Variants in NRXN1 observed in about 807,000 individuals in gnomAD.
NRXN1 encodes the protein neurexin 1.
A neutral mutation model predicts 150.9 loss-of-function variants in NRXN1; 39 were observed. That is an observed-to-expected ratio of 0.26 (90% confidence interval 0.20 to 0.34). The LOEUF is 0.34. Among genes scored for constraint, NRXN1 ranks in the 10% least tolerant of loss-of-function variants. The pLI is 1.00. For synonymous variants in NRXN1, 924 were observed against 757.0 expected (o/e 1.22, Z -3.62); for missense variants, 1,815 against 1,949.9 (o/e 0.93, Z 1.30).
At chr2:50,734,342 T>C (rs1698460481) in intron 5 of NRXN1, among the ~76,000 whole-genome samples, 1 of 152,314 alleles carries the variant, frequency 6.6e-6, no homozygotes, top group East Asian at 1.9e-4. Context: ...TGCCCAGTGC[T>C]GCTGGATTGG....
intron 17 of NRXN1, among the ~76,000 whole-genome samples, chr2:50,407,464 C>G (rs2082831083): frequency 6.6e-6 from 1 of 152,114 alleles, no homozygotes. Flanking sequence ...TTGTCCCTCT[C>G]CTAAAGACTC....
chr2:50,597,443 C>T (rs1480429684), intron 8 of NRXN1, among the ~76,000 whole-genome samples: 2 of 152,188 alleles, frequency 1.3e-5, no homozygotes, highest in East Asian at 3.9e-4. Flanking sequence ...TAGTGCCCTA[C>T]CCTGGGATAC....
Position 50,877,638 on chromosome 2 carries a change from T to C in NRXN1, c.832+44231A>G, listed in dbSNP as rs147012088. On this transcript the variant is annotated intron_variant, in intron 5 of 22. Transcript: ENST00000401669. The stretch of plus-strand genomic sequence containing the variant: ...GCCTCCTGCTAAATCTGAAGGTTTC[T>C]TGAAAACAAGCAATATAATCACTTG... Among the ~76,000 whole-genome samples, 305 of 152,094 alleles carry C rather than the reference T, an allele frequency of 2.0e-3. 2 individuals are homozygous for C. Among genetic ancestry groups the C allele is most frequent in the African/African-American group, 6.8e-3 (281 of 41,534 alleles).
intron 2 of NRXN1, among the ~76,000 whole-genome samples, chr2:50,999,072 T>A (rs1185975681): frequency 1.3e-5 from 2 of 152,074 alleles, no homozygotes; most frequent in Non-Finnish European, 2.9e-5. Flanking sequence ...TACTTCCAAG[T>A]GCTTTTACCT....
chr2:50,308,804 G>T (rs1217437), intron 17 of NRXN1, among the ~76,000 whole-genome samples: 1 of 152,012 alleles, frequency 6.6e-6, no homozygotes, highest in Admixed American at 6.6e-5. Context: ...ATGGTAGACA[G>T]GGAGTCAGAC....
At position 50,128,752 on chromosome 2, in the gene NRXN1, G is replaced by C. The variant is rs1434942231; in HGVS notation, c.3547-37258C>G. 6.6e-5 allele frequency among the ~76,000 whole-genome samples: 10 copies of C among 152,150 alleles called. No individual in the cohort carries two copies. The South Asian group carries it at 2.1e-3, about 32-fold the overall frequency. ...ATTCCAGCTCTTTGGGGGAGCTGAGGGGGGTGGATCGCCTGAGATCAGGAG... is the reference window on the plus strand; with the variant it reads ...ATTCCAGCTCTTTGGGGGAGCTGAGCGGGGTGGATCGCCTGAGATCAGGAG... On this transcript the variant is annotated intron_variant, in intron 18 of 22. Coordinates refer to ENST00000401669, the MANE Select transcript of NRXN1 (RefSeq NM_001330078.2).
intron 5 of NRXN1, among the ~76,000 whole-genome samples, chr2:50,776,900 C>T (rs543348532): frequency 6.6e-6 from 1 of 152,220 alleles, no homozygotes; most frequent in African/African-American, 2.4e-5. Context: ...ATCCTAGTCC[C>T]ATTTAAGGAA....
chr2:50,429,789 C>T (rs1440878554), intron 17 of NRXN1, among the ~76,000 whole-genome samples: 1 of 151,962 alleles, frequency 6.6e-6, no homozygotes, highest in Non-Finnish European at 1.5e-5. Context: ...GAGTTGTGCC[C>T]CATCAATAGA....
chr2:50,489,986 T>A (rs532259225), intron 15 of NRXN1, among the ~76,000 whole-genome samples: 1 of 152,270 alleles, frequency 6.6e-6, no homozygotes, highest in East Asian at 1.9e-4. Context: ...GGAGAACAGA[T>A]TGAGACAAAT....
At chr2:50,929,806 T>C (rs566370020) in intron 2 of NRXN1, among the ~76,000 whole-genome samples, 1 of 152,186 alleles carries the variant, frequency 6.6e-6, no homozygotes, top group East Asian at 1.9e-4. Context: ...GTTCCCATGG[T>C]GGCACAGGAT....
chr2:50,397,712 A>G lies in NRXN1; in HGVS notation c.3364+67730T>C, dbSNP rs866271168. Among the ~76,000 whole-genome samples, 3 of 152,140 alleles carry G rather than the reference A, an allele frequency of 2.0e-5. No individual in the cohort carries two copies. In the South Asian group the frequency reaches 6.2e-4, roughly 31 times the overall value. On this transcript the variant is annotated intron_variant, in intron 17 of 22. Coordinates refer to ENST00000401669, the MANE Select transcript of NRXN1 (RefSeq NM_001330078.2). ...TCTGGCTACTGTCAGTAAAAAGGAT[A>G]GGCTCAAAGGAAATCTGTTGTGTTT...
chr2:50,241,449 A>C (rs2065991541), intron 17 of NRXN1, among the ~76,000 whole-genome samples: 2 of 151,764 alleles, frequency 1.3e-5, no homozygotes. Context: ...GCACTACCAC[A>C]TCAGTACCAT....
intron 21 of NRXN1, among the ~76,000 whole-genome samples, chr2:49,978,248 C>T (rs759273259): frequency 1.3e-5 from 2 of 152,118 alleles, no homozygotes; most frequent in African/African-American, 2.4e-5. Context: ...CTGTAACTCT[C>T]AAATTATAAT....
At chr2:50,621,017 T>G in intron 7 of NRXN1, 1 of 514,096 alleles carries the variant, frequency 1.9e-6, no homozygotes, top group Non-Finnish European at 3.5e-6. Flanking sequence ...TACAGGTGAG[T>G]TGGAAAACAG....
intron 17 of NRXN1, among the ~76,000 whole-genome samples, chr2:50,383,937 A>C (rs1342636916): frequency 1.3e-5 from 2 of 152,198 alleles, no homozygotes; most frequent in African/African-American, 4.8e-5. Flanking sequence ...CTGAAAAGCC[A>C]GTTCAACTTA....
At chr2:49,931,020 G>C (rs887509457) in intron 22 of NRXN1, among the ~76,000 whole-genome samples, 1 of 152,152 alleles carries the variant, frequency 6.6e-6, no homozygotes, top group African/African-American at 2.4e-5. Flanking sequence ...TGTAGTCCTA[G>C]CTACTCGAGT....
chr2:50,731,631 A>C (rs982104215), intron 5 of NRXN1, among the ~76,000 whole-genome samples: 2 of 152,162 alleles, frequency 1.3e-5, no homozygotes, highest in Admixed American at 1.3e-4. Context: ...ATGTTTATTA[A>C]AACTGCACAC....
At chr2:50,333,950 C>T (rs912700065) in intron 17 of NRXN1, among the ~76,000 whole-genome samples, 3 of 151,912 alleles carry the variant, frequency 2.0e-5, no homozygotes, top group African/African-American at 7.3e-5. Context: ...TTGCCTTCAC[C>T]ATTCTCTTTG....
chr2:50,338,383 G>T lies in NRXN1; in HGVS notation c.3365-101413C>A, dbSNP rs191143673. On this transcript the variant is annotated intron_variant, in intron 17 of 22. Coordinates refer to ENST00000401669, the MANE Select transcript of NRXN1 (RefSeq NM_001330078.2). ...CCAATATGACATAATTTTCAGAAAT[G>T]AGTATGAAATAAAAGGAAATAAGCT... is the stretch of plus-strand genomic sequence containing the variant. 1.2e-4 allele frequency among the ~76,000 whole-genome samples: 18 copies of T among 152,094 alleles called. 1 individual carries two copies. The highest frequency in any genetic ancestry group is 7.2e-4 in the Admixed American group (11 of 15,280).
Sources: gnomAD v4.1 joint callset for allele counts (sites outside exome capture counted in the v4.1 genomes callset) on GRCh38, gnomAD v4.1.1 for gene constraint, MANE v1.5 for transcripts, NCBI Gene and HGNC (gene_info 2026-07-23, HGNC 2026-07-21) for gene names.